INSR: variants seen among roughly 807,000 people sequenced by gnomAD.
The protein encoded by INSR is IR.
A neutral mutation model predicts 142.6 loss-of-function variants in INSR; 67 were observed. That is an observed-to-expected ratio of 0.47 (90% confidence interval 0.39 to 0.58). INSR has a LOEUF of 0.58. Ranked by LOEUF, INSR falls within the 20% of genes least tolerant of loss-of-function variation. INSR has a pLI of 0.00. For synonymous variants in INSR, 756 were observed against 743.1 expected (o/e 1.02, Z -0.28); for missense variants, 1,248 against 1,833.2 (o/e 0.68, Z 5.83).
chr19:7,166,308 G>A lies in INSR; in HGVS notation c.1707C>T (p.Asp569=). ...ACCCTGGGTGGTTCTGTGATTTGGG[G>A]TCGTTGGACCTCAGGGGTGGGTCAA... ...VDIDPPLRSN[D]PKSQNHPGWL... The change falls in exon 8 of 22, where the codon GAC becomes GAT. Residue 569 remains aspartate, a synonymous_variant. Coordinates refer to ENST00000302850, the MANE Select transcript of INSR (RefSeq NM_000208.4). The surrounding 1 kb of genome is among the most constrained non-coding windows in gnomAD (Gnocchi z 4.1). 1 of 1,614,170 alleles carries A rather than the reference G, an allele frequency of 6.2e-7. No homozygotes were observed. Among genetic ancestry groups the A allele is most frequent in the Non-Finnish European group, 8.5e-7 (1 of 1,180,030 alleles).
intron 2 of INSR, among the ~76,000 whole-genome samples, chr19:7,210,517 C>T (rs1975243990): frequency 6.6e-6 from 1 of 152,012 alleles, no homozygotes; most frequent in African/African-American, 2.4e-5. Flanking sequence ...TCCACTTTCT[C>T]CTCGCTGTGC....
intron 2 of INSR, among the ~76,000 whole-genome samples, chr19:7,233,062 C>T (rs945163038): frequency 5.9e-5 from 9 of 152,044 alleles, no homozygotes; most frequent in Non-Finnish European, 1.0e-4. Flanking sequence ...CTCGCCATCT[C>T]GGCTCACTGC....
At chr19:7,219,101 A>T (rs1384349698) in intron 2 of INSR, among the ~76,000 whole-genome samples, 2 of 152,216 alleles carry the variant, frequency 1.3e-5, no homozygotes, top group East Asian at 3.9e-4. Context: ...TTTAAAGTGG[A>T]TTTAAAAAAC....
intron 4 of INSR, among the ~76,000 whole-genome samples, chr19:7,173,313 A>G (rs1974060940): frequency 6.6e-6 from 1 of 152,014 alleles, no homozygotes; most frequent in South Asian, 2.1e-4. Context: ...TTTGCCTGAC[A>G]TGGTATTTCT....
chr19:7,165,945 CT>C (rs1973878447), intron 8 of INSR, among the ~76,000 whole-genome samples: 1 of 150,306 alleles, frequency 6.7e-6, no homozygotes, highest in South Asian at 2.1e-4. Context: ...AGAAGGATTG[CT>C]TGAGCCCAGG....
chr19:7,113,861 C>A lies in INSR; in HGVS notation c.*3195G>T, dbSNP rs552757444. 6 of 152,174 alleles carry A rather than the reference C, an allele frequency of 3.9e-5. No homozygotes were observed. In the South Asian group the frequency reaches 1.2e-3, roughly 32 times the overall value. The allele number at this position is 152,174 out of a possible 1,614,324, so 9.4% of individuals were successfully genotyped here. ...CAAGGGGCAGGCCCAGCACACCCTA[C>A]CTTTCTCCAGGGCAGGTGGAGAAAG... On this transcript the variant is annotated 3_prime_UTR_variant, in exon 22 of 22. Transcript: ENST00000302850.
intron 9 of INSR, among the ~76,000 whole-genome samples, chr19:7,161,047 A>G (rs923000460): frequency 2.0e-5 from 3 of 149,886 alleles, no homozygotes; most frequent in Non-Finnish European, 4.4e-5. Context: ...ACTAATGTAT[A>G]CACACTAGTT....
intron 19 of INSR, among the ~76,000 whole-genome samples, chr19:7,122,285 A>G (rs1277436479): frequency 6.6e-6 from 1 of 152,082 alleles, no homozygotes; most frequent in Non-Finnish European, 1.5e-5. Context: ...TCCACTAAAA[A>G]TACAAAAATT....
chr19:7,212,394 A>T (rs1054490565), intron 2 of INSR, among the ~76,000 whole-genome samples: 2 of 152,086 alleles, frequency 1.3e-5, no homozygotes, highest in Non-Finnish European at 2.9e-5. Flanking sequence ...AAGCCCTGCG[A>T]TTCCCGCTCA....
chr19:7,193,247 C>A (rs946298913), intron 2 of INSR, among the ~76,000 whole-genome samples: 8 of 151,672 alleles, frequency 5.3e-5, no homozygotes, highest in Non-Finnish European at 1.2e-4. Context: ...GCCTGTAATC[C>A]CAGCAGGCTA....
At chr19:7,202,743 C>A (rs1265829905) in intron 2 of INSR, among the ~76,000 whole-genome samples, 1 of 152,102 alleles carries the variant, frequency 6.6e-6, no homozygotes, top group East Asian at 1.9e-4. Context: ...TCAGGTGATC[C>A]GCTCGCCTCG....
At chr19:7,208,554 A>T (rs778081197) in intron 2 of INSR, among the ~76,000 whole-genome samples, 27 of 152,336 alleles carry the variant, frequency 1.8e-4, no homozygotes, top group Middle Eastern at 3.4e-3. Context: ...GCTTAAGAGA[A>T]CAATTCTCAA....
Position 7,122,681 on chromosome 19 carries a change from C to T in INSR, c.3462G>A (p.Lys1154=). ...ADGMAYLNAK[K]FVHRDLAARN... ...TCGCTGCCAGGTCCCGATGCACAAA[C>T]TTCTTGGCGTTCAGGTAGGCCATCC... Residue 1154 remains lysine, a synonymous_variant, in exon 19 of 22, where the codon AAG becomes AAA. Transcript: ENST00000302850. 6.2e-7 allele frequency: 1 copy of T among 1,614,180 alleles called. No homozygotes were observed. The highest frequency in any genetic ancestry group is 8.5e-7 in the Non-Finnish European group (1 of 1,180,022).
At position 7,150,418 on chromosome 19, in the gene INSR, G is replaced by C. The variant is rs1393015895; in HGVS notation, c.2267+79C>G. On this transcript the variant is annotated intron_variant, in intron 11 of 21. Coordinates refer to ENST00000302850, the MANE Select transcript of INSR (RefSeq NM_000208.4). The surrounding 1 kb of genome is among the most constrained non-coding windows in gnomAD (Gnocchi z 4.2). ...CATGCAAAAAGCCACAGAAACCCCT[G>C]GGTTCTCCGAGGCATCTGCCTGGCA... The C allele has an allele frequency of 7.4e-7, 1 of 1,348,068 alleles. No individual in the cohort carries two copies. The highest frequency in any genetic ancestry group is 1.1e-6 in the Non-Finnish European group (1 of 944,088). The allele number at this position is 1,348,068 out of a possible 1,614,324, so 83.5% of individuals were successfully genotyped here. A position where few individuals can be genotyped will look rare whatever the true frequency, so the allele number is the denominator to read the frequency against.
At position 7,168,227 on chromosome 19, in the gene INSR, T is replaced by A; in HGVS notation, c.1484-133A>T. The A allele has an allele frequency of 1.1e-6, 1 of 906,414 alleles. No individual in the cohort carries two copies. The highest frequency in any genetic ancestry group is 1.4e-5 in the South Asian group (1 of 70,152). The allele number at this position is 906,414 out of a possible 1,614,324, so 56.1% of individuals were successfully genotyped here. On this transcript the variant is annotated intron_variant, in intron 6 of 21. Transcript: ENST00000302850. The surrounding 1 kb of genome is among the most constrained non-coding windows in gnomAD (Gnocchi z 4.3). ...CGCTGCTATTCCCTTAAGGGTCTCC[T>A]CCCCATGTGCCTGGCTGAGTATGAA... is the stretch of plus-strand genomic sequence containing the variant.
chr19:7,112,976 T>C lies in INSR; in HGVS notation c.*4080A>G, dbSNP rs899410969. The C allele has an allele frequency of 6.6e-6, 1 of 152,110 alleles. No individual in the cohort carries two copies. Among genetic ancestry groups the C allele is most frequent in the South Asian group, 2.1e-4 (1 of 4,828 alleles). 9.4% of individuals were successfully genotyped at this position (152,110 alleles called of 1,614,324 possible). A position where few individuals can be genotyped will look rare whatever the true frequency, so the allele number is the denominator to read the frequency against. Reference sequence around the variant, plus strand: ...AAGTGACACCCCTCTCTGTGTACCATGTATATAAAATCGGCATTCCCTGTT... The same window carrying C: ...AAGTGACACCCCTCTCTGTGTACCACGTATATAAAATCGGCATTCCCTGTT... On this transcript the variant is annotated 3_prime_UTR_variant, in exon 22 of 22. Transcript: ENST00000302850.
At chr19:7,182,008 C>T (rs1014823490) in intron 3 of INSR, among the ~76,000 whole-genome samples, 2 of 152,020 alleles carry the variant, frequency 1.3e-5, no homozygotes, top group Admixed American at 6.6e-5. Flanking sequence ...GAAAATGCCA[C>T]AGTACGATTA....
At chr19:7,235,468 G>A (rs1317620005) in intron 2 of INSR, among the ~76,000 whole-genome samples, 2 of 152,074 alleles carry the variant, frequency 1.3e-5, no homozygotes, top group Non-Finnish European at 2.9e-5. Context: ...TAGAGCTTAC[G>A]GAAGATTTTC....
chr19:7,148,868 C>T (rs1973249415), intron 11 of INSR, among the ~76,000 whole-genome samples: 2 of 151,194 alleles, frequency 1.3e-5, no homozygotes, highest in South Asian at 4.2e-4. Context: ...GATCTTGGCT[C>T]ACTGCAAGCT....
Sources: allele counts gnomAD v4.1 joint callset (sites outside exome capture counted in the v4.1 genomes callset), GRCh38; gene constraint gnomAD v4.1.1; non-coding constraint Gnocchi (gnomAD v3.1); transcripts MANE v1.5; gene names NCBI Gene and HGNC (gene_info 2026-07-23, HGNC 2026-07-21).